EEIG2: variants seen among roughly 807,000 people sequenced by gnomAD.
EEIG2 encodes EEIG family member 2, also known as family with sequence similarity 102 member B.
chr1:108,607,321 G>A, the EEIG2 span, among the ~76,000 whole-genome samples: 1 of 152,082 alleles, frequency 6.6e-6, no homozygotes, highest in Non-Finnish European at 1.5e-5. Flanking sequence ...TTTTTTGAGT[G>A]AGGAAATGTT....
At chr1:108,630,899 A>G in the EEIG2 span, among the ~76,000 whole-genome samples, 1 of 152,180 alleles carries the variant, frequency 6.6e-6, no homozygotes, top group Non-Finnish European at 1.5e-5. Context: ...TCAAAACCTA[A>G]AAGAATTTTG....
the EEIG2 span, among the ~76,000 whole-genome samples, chr1:108,579,738 GGTGTGTGTGTGT>G: frequency 2.9e-4 from 31 of 108,042 alleles, no homozygotes; most frequent in African/African-American, 1.2e-3. Flanking sequence ...TTGTTTTTTT[GGTGTGTGTGTGT>G]GTGTGTGTGT....
At chr1:108,612,303 G>A in the EEIG2 span, 23 of 1,543,490 alleles carry the variant, frequency 1.5e-5, no homozygotes, top group Non-Finnish European at 1.5e-5. Flanking sequence ...AAGTAAGCAC[G>A]TTTCAGGATT....
At chr1:108,630,101 C>A in the EEIG2 span, among the ~76,000 whole-genome samples, 1 of 152,306 alleles carries the variant, frequency 6.6e-6, no homozygotes, top group Non-Finnish European at 1.5e-5. Context: ...GCCTTAGCCT[C>A]TTGAGCAGCT....
At chr1:108,589,808 T>TTA in the EEIG2 span, among the ~76,000 whole-genome samples, 1 of 146,048 alleles carries the variant, frequency 6.8e-6, no homozygotes, top group Non-Finnish European at 1.5e-5. Context: ...TTTTTTTTTT[T>TTA]GAGACAAGAT....
the EEIG2 span, among the ~76,000 whole-genome samples, chr1:108,628,992 G>T: frequency 6.6e-6 from 1 of 152,150 alleles, no homozygotes; most frequent in African/African-American, 2.4e-5. Context: ...ATTGAGTTTA[G>T]AAAAAGAACA....
At chr1:108,589,388 T>G in the EEIG2 span, among the ~76,000 whole-genome samples, 1 of 152,220 alleles carries the variant, frequency 6.6e-6, no homozygotes, top group Non-Finnish European at 1.5e-5. Flanking sequence ...ATTTGAAATG[T>G]CTGTGTTCCC....
At chr1:108,619,758 G>T in the EEIG2 span, among the ~76,000 whole-genome samples, 1 of 152,266 alleles carries the variant, frequency 6.6e-6, no homozygotes, top group African/African-American at 2.4e-5. Context: ...CAGGCGTGGT[G>T]GTGCGCCTGT....
the EEIG2 span, among the ~76,000 whole-genome samples, chr1:108,584,525 T>C: frequency 6.6e-6 from 1 of 152,150 alleles, no homozygotes; most frequent in Non-Finnish European, 1.5e-5. Context: ...TTTATTTAAG[T>C]GAGTCATCGC....
the EEIG2 span, among the ~76,000 whole-genome samples, chr1:108,599,027 T>A: frequency 6.6e-6 from 1 of 151,978 alleles, no homozygotes; most frequent in Non-Finnish European, 1.5e-5. Context: ...TGGTTGAGTG[T>A]GGTAGTGTAT....
the EEIG2 span, chr1:108,637,420 TC>T: frequency 6.6e-6 from 1 of 152,034 alleles, no homozygotes; most frequent in African/African-American, 2.4e-5. Context: ...TGCCTAAGTG[TC>T]TGCCTTACTT....
the EEIG2 span, among the ~76,000 whole-genome samples, chr1:108,591,032 A>G: frequency 6.6e-6 from 1 of 152,192 alleles, no homozygotes; most frequent in Non-Finnish European, 1.5e-5. Flanking sequence ...TTTATCTTAG[A>G]AATACTTGGG....
At chr1:108,633,006 A>G in the EEIG2 span, among the ~76,000 whole-genome samples, 1 of 147,888 alleles carries the variant, frequency 6.8e-6, no homozygotes, top group African/African-American at 2.5e-5. Flanking sequence ...GCTGGTCTCA[A>G]ACTCCTGGCC....
At chr1:108,595,629 G>A in the EEIG2 span, among the ~76,000 whole-genome samples, 2 of 149,624 alleles carry the variant, frequency 1.3e-5, no homozygotes, top group Non-Finnish European at 3.0e-5. Flanking sequence ...GGAAGGAAGG[G>A]AGGGAGGGAG....
the EEIG2 span, chr1:108,631,016 A>G: frequency 1.9e-5 from 4 of 207,382 alleles, no homozygotes; most frequent in African/African-American, 7.0e-5. Context: ...TCAACGATTA[A>G]CTACAATCAG....
the EEIG2 span, chr1:108,600,519 G>A: frequency 1.9e-6 from 3 of 1,594,438 alleles, 1 homozygote; most frequent in South Asian, 2.2e-5. Context: ...TTTTTAACAT[G>A]TCATCAATAA....
At chr1:108,637,311 T>C in the EEIG2 span, 1 of 152,184 alleles carries the variant, frequency 6.6e-6, no homozygotes, top group Admixed American at 6.5e-5. Context: ...ATGTCTTCTG[T>C]AGTCAGCAAA....
the EEIG2 span, chr1:108,629,800 C>A: frequency 1.4e-6 from 1 of 693,406 alleles, no homozygotes; most frequent in Non-Finnish European, 2.6e-6. Context: ...AGAGTTACAG[C>A]TCTTAGTGTA....
chr1:108,572,776 C>T, the EEIG2 span, among the ~76,000 whole-genome samples: 25 of 152,166 alleles, frequency 1.6e-4, no homozygotes, highest in African/African-American at 5.1e-4. Context: ...CCACCACACC[C>T]GGCTAATTTT....
Sources: gnomAD v4.1 joint callset for allele counts (sites outside exome capture counted in the v4.1 genomes callset) on GRCh38, gnomAD v4.1.1 for gene constraint, MANE v1.5 for transcripts, NCBI Gene and HGNC (gene_info 2026-07-23, HGNC 2026-07-21) for gene names.